FBXL17: variants seen among roughly 807,000 people sequenced by gnomAD.
FBXL17 encodes the protein F-box and leucine rich repeat protein 17, also known as F-box/LRR-repeat protein 17.
In FBXL17, 22 loss-of-function variants were observed where a neutral mutation model predicts 66.2. That is an observed-to-expected ratio of 0.33 (90% CI 0.24 to 0.47). The LOEUF is 0.47. Ranked by LOEUF, FBXL17 falls within the 20% of genes least tolerant of loss-of-function variation. FBXL17 has a pLI of 1.00. For synonymous variants in FBXL17, 474 were observed against 400.5 expected, an observed-to-expected ratio of 1.18 and a Z score of -2.19; for missense variants, 878 against 948.2, an observed-to-expected ratio of 0.93 and a Z score of 0.97.
chr5:107,923,914 G>A (rs1750407771), intron 7 of FBXL17, among the ~76,000 whole-genome samples: 1 of 151,986 alleles, frequency 6.6e-6, no homozygotes, highest in African/African-American at 2.4e-5. Context: ...ACAGATGAAG[G>A]AACAAGAACT....
At chr5:108,177,911 G>GTATA (rs70996985) in intron 6 of FBXL17, among the ~76,000 whole-genome samples, 6,460 of 115,150 alleles carry the variant, frequency 0.056, 435 homozygotes, top group African/African-American at 0.1. Context: ...AAAAAAAAAT[G>GTATA]TATATATATA....
intron 6 of FBXL17, among the ~76,000 whole-genome samples, chr5:108,161,161 G>C (rs384583): frequency 5.4e-5 from 8 of 149,314 alleles, no homozygotes; most frequent in East Asian, 4.0e-4. Context: ...TCAACAAATA[G>C]ATACATACAT....
chr5:108,256,028 T>C (rs1040786593), intron 4 of FBXL17, among the ~76,000 whole-genome samples: 1 of 152,116 alleles, frequency 6.6e-6, no homozygotes, highest in African/African-American at 2.4e-5. Context: ...AGTGGAAATA[T>C]GAGCTGTACT....
chr5:108,233,849 A>G (rs1485061737), intron 4 of FBXL17, among the ~76,000 whole-genome samples: 1 of 152,184 alleles, frequency 6.6e-6, no homozygotes, highest in Non-Finnish European at 1.5e-5. Flanking sequence ...ACCTAAGGCA[A>G]ATGAAAACCA....
At chr5:108,218,217 C>T (rs773367428) in intron 5 of FBXL17, among the ~76,000 whole-genome samples, 2 of 151,778 alleles carry the variant, frequency 1.3e-5, no homozygotes, top group African/African-American at 2.4e-5. Flanking sequence ...ACCATGTTAG[C>T]CAGGATGGTC....
At chr5:107,866,252 T>A (rs1302934506) in intron 8 of FBXL17, among the ~76,000 whole-genome samples, 2 of 152,154 alleles carry the variant, frequency 1.3e-5, no homozygotes, top group African/African-American at 4.8e-5. Context: ...GAAATTACTG[T>A]GATTAAAGGG....
chr5:108,077,057 G>C (rs192650835), intron 6 of FBXL17, among the ~76,000 whole-genome samples: 7 of 152,202 alleles, frequency 4.6e-5, no homozygotes, highest in Admixed American at 4.6e-4. Context: ...GGAACCTCAA[G>C]TTATTTTGGG....
chr5:107,880,886 A>G, intron 8 of FBXL17, 151 bp downstream of exon 8: 1 of 1,423,166 alleles, frequency 7.0e-7, no homozygotes, highest in Non-Finnish European at 9.2e-7. Context: ...GCAGGCAAAC[A>G]ATGCATAGCT....
intron 7 of FBXL17, among the ~76,000 whole-genome samples, chr5:107,886,613 C>A (rs191916613): frequency 2.1e-4 from 32 of 152,048 alleles, no homozygotes; most frequent in African/African-American, 7.5e-4. Flanking sequence ...CAAAAGGACA[C>A]AGGATCCAAT....
intron 4 of FBXL17, among the ~76,000 whole-genome samples, chr5:108,308,058 G>C (rs1230310404): frequency 6.6e-6 from 1 of 151,962 alleles, no homozygotes; most frequent in Non-Finnish European, 1.5e-5. Flanking sequence ...GGTTCTGTTT[G>C]TTCCTATAAA....
intron 7 of FBXL17, among the ~76,000 whole-genome samples, chr5:108,003,992 G>A (rs1274904179): frequency 1.3e-5 from 2 of 152,030 alleles, no homozygotes; most frequent in Non-Finnish European, 2.9e-5. Flanking sequence ...TTCTGAACGT[G>A]ATAAATAAAA....
chr5:108,182,849 T>G (rs1329188665), intron 6 of FBXL17, among the ~76,000 whole-genome samples: 7 of 152,034 alleles, frequency 4.6e-5, no homozygotes, highest in Admixed American at 4.6e-4. Flanking sequence ...AAATCCACTC[T>G]CCCATCTGTA....
intron 7 of FBXL17, among the ~76,000 whole-genome samples, chr5:107,907,905 G>A (rs1580702448): frequency 6.6e-6 from 1 of 152,150 alleles, no homozygotes; most frequent in Non-Finnish European, 1.5e-5. Flanking sequence ...CAGGGATCTA[G>A]AACTAGAAAT....
At chr5:107,935,438 T>G (rs1430035111) in intron 7 of FBXL17, among the ~76,000 whole-genome samples, 2 of 152,024 alleles carry the variant, frequency 1.3e-5, no homozygotes, top group Non-Finnish European at 2.9e-5. Context: ...TGTATGTGTA[T>G]GTGTGCGCGC....
chr5:108,151,971 T>G (rs529473391), intron 6 of FBXL17, among the ~76,000 whole-genome samples: 42 of 152,336 alleles, frequency 2.8e-4, no homozygotes, highest in African/African-American at 9.1e-4. Flanking sequence ...TAAGAAATTG[T>G]GGTCTCAACC....
intron 7 of FBXL17, among the ~76,000 whole-genome samples, chr5:108,009,261 T>TTATTTATA (rs1554056570): frequency 4.8e-5 from 1 of 20,852 alleles, no homozygotes; most frequent in African/African-American, 1.6e-4. Context: ...GTTCCCTGTT[T>TTATTTATA]TATATATATA....
At chr5:108,339,603 A>G (rs1746745361) in intron 4 of FBXL17, among the ~76,000 whole-genome samples, 1 of 151,966 alleles carries the variant, frequency 6.6e-6, no homozygotes, top group Non-Finnish European at 1.5e-5. Context: ...GACTTAAACT[A>G]CAGACTATGT....
intron 6 of FBXL17, among the ~76,000 whole-genome samples, chr5:108,074,868 T>C (rs940606362): frequency 2.0e-5 from 3 of 152,226 alleles, no homozygotes; most frequent in Admixed American, 6.5e-5. Flanking sequence ...CTGACAGCAG[T>C]TGTTTACAGT....
chr5:107,978,174 G>A (rs1752658987), intron 7 of FBXL17, among the ~76,000 whole-genome samples: 1 of 152,148 alleles, frequency 6.6e-6, no homozygotes, highest in Admixed American at 6.5e-5. Flanking sequence ...ATGACAGTGA[G>A]AGAAATCTAA....
Sources: gnomAD v4.1 joint callset for allele counts (sites outside exome capture counted in the v4.1 genomes callset) on GRCh38, gnomAD v4.1.1 for gene constraint, MANE v1.5 for transcripts, NCBI Gene and HGNC (gene_info 2026-07-23, HGNC 2026-07-21) for gene names.